Variants in SEMA5A observed in about 807,000 individuals in gnomAD.
SEMA5A encodes semaphorin-5A.
A neutral mutation model predicts 135.5 loss-of-function variants in SEMA5A; 55 were observed. That is an observed-to-expected ratio of 0.41 (90% CI 0.33 to 0.51). The LOEUF (loss-of-function observed/expected upper bound fraction) is 0.51, where lower values mean the gene tolerates loss of function less well. Among genes scored for constraint, SEMA5A ranks in the 20% least tolerant of loss-of-function variants. The pLI is 0.37. For missense variants in SEMA5A, 1,290 were observed against 1,419.9 expected, an observed-to-expected ratio of 0.91 and a Z score of 1.47; for synonymous variants, 580 against 546.5, an observed-to-expected ratio of 1.06 and a Z score of -0.85.
At chr5:9,410,160 CAG>C (rs1757051250) in intron 2 of SEMA5A, among the ~76,000 whole-genome samples, 1 of 151,994 alleles carries the variant, frequency 6.6e-6, no homozygotes, top group African/African-American at 2.4e-5. Context: ...GTATACATAA[CAG>C]ATAAGCATTC....
intron 11 of SEMA5A, among the ~76,000 whole-genome samples, chr5:9,160,231 C>G (rs1038219301): frequency 6.6e-6 from 1 of 152,116 alleles, no homozygotes; most frequent in African/African-American, 2.4e-5. Context: ...CATTGGAAGA[C>G]TTTGTCTGTC....
chr5:9,441,204 A>G (rs1029996669), intron 1 of SEMA5A, among the ~76,000 whole-genome samples: 1 of 152,238 alleles, frequency 6.6e-6, no homozygotes, highest in African/African-American at 2.4e-5. Flanking sequence ...TCTGCTATGT[A>G]GTTCAGTATA....
chr5:9,169,921 T>C (rs1257797098), intron 11 of SEMA5A, among the ~76,000 whole-genome samples: 1 of 152,232 alleles, frequency 6.6e-6, no homozygotes, highest in African/African-American at 2.4e-5. Context: ...TTAGCTGCTC[T>C]TGCTACAAAA....
At chr5:9,280,848 T>G in intron 5 of SEMA5A, 1 of 411,932 alleles carries the variant, frequency 2.4e-6, no homozygotes, top group Non-Finnish European at 4.8e-6. Flanking sequence ...AATGTAACGT[T>G]TTAGCAAATA....
chr5:9,179,847 T>G lies in SEMA5A; in HGVS notation c.1273+10420A>C, dbSNP rs550406391. 2.6e-3 allele frequency among the ~76,000 whole-genome samples: 391 copies of G among 152,298 alleles called. 1 individual carries two copies. The highest frequency in any genetic ancestry group is 4.5e-3 in the Non-Finnish European group (309 of 68,018). ...GTGTGGCAAAGTCTACCCAGGTATA[T>G]TAGTAACCTAGGGGTGCTGCAATAA... On this transcript the variant is annotated intron_variant, in intron 11 of 22. Transcript: ENST00000382496.
At chr5:9,203,623 A>G (rs1343146610) in intron 8 of SEMA5A, among the ~76,000 whole-genome samples, 1 of 152,226 alleles carries the variant, frequency 6.6e-6, no homozygotes, top group Non-Finnish European at 1.5e-5. Flanking sequence ...TTTTCACAAA[A>G]TGTTTTAATT....
At chr5:9,431,780 C>A (rs561948188) in intron 2 of SEMA5A, among the ~76,000 whole-genome samples, 3 of 152,236 alleles carry the variant, frequency 2.0e-5, no homozygotes, top group Non-Finnish European at 4.4e-5. Context: ...AAATCCAAAT[C>A]CAAGCAATTA....
intron 16 of SEMA5A, among the ~76,000 whole-genome samples, chr5:9,080,439 T>C (rs940026128): frequency 6.6e-6 from 1 of 151,850 alleles, no homozygotes; most frequent in Non-Finnish European, 1.5e-5. Context: ...AAATACCTAA[T>C]GTAGATGACA....
chr5:9,063,314 A>G (rs1167399765), intron 17 of SEMA5A, among the ~76,000 whole-genome samples: 1 of 152,226 alleles, frequency 6.6e-6, no homozygotes, highest in African/African-American at 2.4e-5. Flanking sequence ...TTACTATGAA[A>G]TAAGGTTGAA....
At chr5:9,406,448 T>C (rs1377037092) in intron 2 of SEMA5A, among the ~76,000 whole-genome samples, 6 of 152,200 alleles carry the variant, frequency 3.9e-5, no homozygotes, top group Admixed American at 2.6e-4. Flanking sequence ...CCAGTGAGAA[T>C]TGAATAAATT....
At chr5:9,391,110 A>G (rs965783088) in intron 2 of SEMA5A, 3 of 152,236 alleles carry the variant, frequency 2.0e-5, no homozygotes, top group African/African-American at 7.2e-5. Context: ...ATCCAGCTGA[A>G]GAAATAAGCT....
intron 17 of SEMA5A, 150 bp from the exon 18 acceptor site, chr5:9,063,255 A>C: frequency 1.4e-6 from 1 of 728,262 alleles, no homozygotes; most frequent in South Asian, 1.8e-5. Flanking sequence ...TCAGTAGCCA[A>C]AAATCAGTGG....
intron 4 of SEMA5A, among the ~76,000 whole-genome samples, chr5:9,328,289 G>C (rs3797981): frequency 0.16 from 25,024 of 152,092 alleles, 2,372 homozygotes; most frequent in African/African-American, 0.25. Flanking sequence ...TCCACAACCC[G>C]CAACTGCCAT....
At chr5:9,123,775 A>G (rs1740957746) in intron 13 of SEMA5A, among the ~76,000 whole-genome samples, 1 of 152,180 alleles carries the variant, frequency 6.6e-6, no homozygotes, top group Admixed American at 6.5e-5. Context: ...CTTTGTTAAG[A>G]ATATCCCAGT....
intron 16 of SEMA5A, among the ~76,000 whole-genome samples, chr5:9,103,336 AT>A (rs1211517700): frequency 6.6e-6 from 1 of 152,204 alleles, no homozygotes; most frequent in Non-Finnish European, 1.5e-5. Flanking sequence ...GTCACAACCT[AT>A]TTAAACTTCC....
At chr5:9,484,835 C>T (rs534118560) in intron 1 of SEMA5A, among the ~76,000 whole-genome samples, 5 of 152,022 alleles carry the variant, frequency 3.3e-5, no homozygotes, top group African/African-American at 7.2e-5. Context: ...CCCAAAAGTT[C>T]GGGTCCTTCT....
intron 15 of SEMA5A, among the ~76,000 whole-genome samples, chr5:9,109,066 A>C (rs1171569517): frequency 1.3e-5 from 1 of 75,600 alleles, no homozygotes; most frequent in Non-Finnish European, 2.2e-5. Context: ...TTTGAGACGG[A>C]GTCTCGCTCT....
chr5:9,318,702 T>C (rs1356161532), intron 4 of SEMA5A, among the ~76,000 whole-genome samples: 2 of 152,202 alleles, frequency 1.3e-5, no homozygotes, highest in African/African-American at 4.8e-5. Flanking sequence ...TTGATCTATA[T>C]GGAATAAATA....
At chr5:9,494,544 G>A (rs1023257903) in intron 1 of SEMA5A, among the ~76,000 whole-genome samples, 2 of 152,162 alleles carry the variant, frequency 1.3e-5, no homozygotes, top group African/African-American at 4.8e-5. Flanking sequence ...CTAGCCCCCA[G>A]GCCCTGATCT....
Sources: gnomAD v4.1 joint callset for allele counts (sites outside exome capture counted in the v4.1 genomes callset) on GRCh38, gnomAD v4.1.1 for gene constraint, MANE v1.5 for transcripts, NCBI Gene and HGNC (gene_info 2026-07-23, HGNC 2026-07-21) for gene names.